TDRD6: variants seen among roughly 807,000 people sequenced by gnomAD.
TDRD6 encodes the protein tudor domain-containing protein 6.
Under a neutral mutation model 157.5 loss-of-function variants are expected in TDRD6, and 186 were observed. The ratio of observed to expected loss-of-function variants is 1.18; its 90% CI spans 1.05 to 1.33. The LOEUF (loss-of-function observed/expected upper bound fraction) is 1.33. Among genes scored for constraint, TDRD6 ranks in the 40% most tolerant of loss-of-function variants. The probability of loss-of-function intolerance (pLI) is 0.00; values close to 1 mark genes in which losing one functional copy is unlikely to be tolerated. For synonymous variants in TDRD6, 1,075 were observed against 945.2 expected (o/e 1.14, Z -2.52); for missense variants, 3,066 against 2,508.0 (o/e 1.22, Z -4.75).
Position 46,688,437 on chromosome 6 carries a change from C to T in TDRD6, c.309C>T (p.Arg103=), listed in dbSNP as rs749524830. The T allele has an allele frequency of 1.8e-5, 27 of 1,542,338 alleles. No homozygotes were observed. The Middle Eastern group carries it at 5.0e-4, about 29-fold the overall frequency. Residue 103 remains arginine, a synonymous_variant, in exon 1 of 4, where the codon CGC becomes CGT. Coordinates refer to ENST00000316081, the MANE Select transcript of TDRD6 (RefSeq NM_001010870.3). The stretch of plus-strand genomic sequence containing the variant: ...GTGTCTTCCTGCTGGACGAGGGCCG[C>T]ACCATCACGGCCGGAGCAGGCTCGC... ...ESRVFLLDEG[R]TITAGAGSLA...
intron 2 of TDRD6, among the ~76,000 whole-genome samples, chr6:46,696,515 ATATATGTGTG>A (rs1764501383): frequency 1.5e-5 from 2 of 135,532 alleles, no homozygotes; most frequent in African/African-American, 2.8e-5. Flanking sequence ...ATATATGTAT[ATATATGTGTG>A]TATATATGTG....
intron 2 of TDRD6, 130 bp from the exon 3 acceptor site, chr6:46,697,868 A>AT (rs1221350519): frequency 5.2e-5 from 22 of 426,230 alleles, no homozygotes; most frequent in Non-Finnish European, 8.0e-6. Flanking sequence ...ATCCTGGGCA[A>AT]TAGAGCAAGA....
At chr6:46,687,854 C>A, upstream of TDRD6, 1 of 416,932 alleles carries the variant, frequency 2.4e-6, no homozygotes, top group South Asian at 4.0e-5. Context: ...TCTCCGCGGC[C>A]GGAAGTGGCG....
In TDRD6 at chr6:46,702,211, G is replaced by A; in HGVS notation, c.*324G>A. The A allele has an allele frequency of 5.2e-6, 1 of 193,968 alleles. No homozygotes were observed. The highest frequency in any genetic ancestry group is 1.0e-5 in the Non-Finnish European group (1 of 96,026). The allele number at this position is 193,968 out of a possible 1,614,324, so 12.0% of individuals were successfully genotyped here. ...ACTATTTTGGTACCTTTCAAATACA[G>A]TGTTTAAATTAAAATAGAAAAATAA... On this transcript the variant is annotated 3_prime_UTR_variant, in exon 4 of 4. Coordinates refer to ENST00000316081, the MANE Select transcript of TDRD6 (RefSeq NM_001010870.3).
chr6:46,680,726 C>A, the TDRD6 span, among the ~76,000 whole-genome samples: 1 of 152,186 alleles, frequency 6.6e-6, no homozygotes, highest in Non-Finnish European at 1.5e-5. Context: ...CCTTTCACTG[C>A]ATACCTGTAC....
intron 1 of TDRD6, 88 bp downstream of exon 1, chr6:46,694,262 G>A (rs1764436045): frequency 3.0e-6 from 3 of 997,582 alleles, no homozygotes; most frequent in Non-Finnish European, 2.8e-6. Flanking sequence ...GAGTGCAGTG[G>A]TGTGATCTTG....
Position 46,689,911 on chromosome 6 carries a change from A to C in TDRD6, c.1783A>C (p.Ile595Leu). The C allele has an allele frequency of 6.2e-7, 1 of 1,614,212 alleles. No individual in the cohort carries two copies. Among genetic ancestry groups the C allele is most frequent in the East Asian group, 2.2e-5 (1 of 44,882 alleles). Residue 595 changes from isoleucine (I) to leucine (L), a missense_variant, in exon 1 of 4, where the codon ATA (isoleucine) becomes CTA (leucine). Coordinates refer to ENST00000316081, the MANE Select transcript of TDRD6 (RefSeq NM_001010870.3). ...GCTTCCTCAGTTTAGGCAGCTACCA[A>C]TATTGGCTGTGAAGTGCACCCTGGC... ...MLLPQFRQLPILAVKCTLADI... is the reference protein window; with the variant it reads ...MLLPQFRQLPLLAVKCTLADI...
Position 46,688,013 on chromosome 6 carries a change from C to T in TDRD6, c.-116C>T. 1 of 1,369,954 alleles carries T rather than the reference C, an allele frequency of 7.3e-7. No homozygotes were observed. Among genetic ancestry groups the T allele is most frequent in the Non-Finnish European group, 9.4e-7 (1 of 1,064,444 alleles). 84.9% of individuals were successfully genotyped at this position (1,369,954 alleles called of 1,614,324 possible). ...GCCTCGCCGGCATTCTTCCCCTCCA[C>T]TGGGTCCTTTGAACCTAGTTTGGCT... On this transcript the variant is annotated 5_prime_UTR_variant, in exon 1 of 4. Transcript: ENST00000316081.
In TDRD6 at chr6:46,691,280, G is replaced by A. The variant is rs943248540; in HGVS notation, c.3152G>A (p.Arg1051Lys). Residue 1051 changes from arginine to lysine, a missense_variant, in exon 1 of 4, where the codon AGG becomes AAG. By Grantham distance (26) the Arg-to-Lys change is conservative. Coordinates refer to ENST00000316081, the MANE Select transcript of TDRD6 (RefSeq NM_001010870.3). ...AAGTATACTGATGGAAACTGGTATA[G>A]GGGCATAGTAATAGAGAAAGAGCCA... ...LAKYTDGNWY[R>K]GIVIEKEPKK... The A allele has an allele frequency of 1.2e-6, 2 of 1,613,942 alleles. No individual in the cohort carries two copies. Among genetic ancestry groups the A allele is most frequent in the African/African-American group, 2.7e-5 (2 of 74,906 alleles).
In TDRD6 at chr6:46,693,443, A is replaced by C; in HGVS notation, c.5315A>C (p.Lys1772Thr). ...GTKPSNFRDPKTDNICEGFEN... is the reference protein window; with the variant it reads ...GTKPSNFRDPTTDNICEGFEN... ...AAACCAAGTAACTTCCGTGACCCTAAAACTGATAACATTTGTGAAGGGTTT... is the reference window on the plus strand; with the variant it reads ...AAACCAAGTAACTTCCGTGACCCTACAACTGATAACATTTGTGAAGGGTTT... The change falls in exon 1 of 4, where the codon AAA becomes ACA. Residue 1772 changes from lysine to threonine, a missense_variant. Transcript: ENST00000316081. The C allele has an allele frequency of 6.2e-7, 1 of 1,614,100 alleles. No homozygotes were observed. Among genetic ancestry groups the C allele is most frequent in the African/African-American group, 1.3e-5 (1 of 75,048 alleles).
In TDRD6 at chr6:46,688,280, A is replaced by C; in HGVS notation, c.152A>C (p.Gln51Pro). Residue 51 changes from glutamine (Q) to proline (P), a missense_variant, in exon 1 of 4, where the codon CAG becomes CCG. Coordinates refer to ENST00000316081, the MANE Select transcript of TDRD6 (RefSeq NM_001010870.3). ...TACCTGCGGCTGAGCCGGGAAATCC[A>C]GGAAGCGGCGGCCACGCGCGGCCAG... ...GEYLRLSREI[Q>P]EAAATRGQWA... The C allele has an allele frequency of 6.7e-7, 1 of 1,500,170 alleles. No individual in the cohort carries two copies. The highest frequency in any genetic ancestry group is 8.8e-7 in the Non-Finnish European group (1 of 1,132,914). 92.9% of individuals were successfully genotyped at this position (1,500,170 alleles called of 1,614,324 possible). A position where few individuals can be genotyped will look rare whatever the true frequency, so the allele number is the denominator to read the frequency against.
rs766526554 is a variant in TDRD6, at chr6:46,688,745, G to T, written c.617G>T (p.Arg206Leu). ...CGGCGGGTGCCCGACAGCCTCTTCCGTTCGCTGCTGGAGCGCTATCTCACA... is the reference window on the plus strand; with the variant it reads ...CGGCGGGTGCCCGACAGCCTCTTCCTTTCGCTGCTGGAGCGCTATCTCACA... Reference protein sequence around the residue: ...LARRVPDSLFRSLLERYLTAA... With the variant: ...LARRVPDSLFLSLLERYLTAA... Residue 206 changes from arginine to leucine, a missense_variant, in exon 1 of 4, where the codon CGT (arginine) becomes CTT (leucine). Arg to Leu is a moderately radical substitution (Grantham distance 102). Coordinates refer to ENST00000316081, the MANE Select transcript of TDRD6 (RefSeq NM_001010870.3). 3.1e-6 allele frequency: 5 copies of T among 1,601,490 alleles called. No individual in the cohort carries two copies. Among genetic ancestry groups the T allele is most frequent in the Non-Finnish European group, 4.2e-6 (5 of 1,179,398 alleles).
rs777961320 is a variant in TDRD6 at position 46,691,390 on chromosome 6, G to T, written c.3262G>T (p.Val1088Phe). 1 of 1,614,000 alleles carries T rather than the reference G, an allele frequency of 6.2e-7. No homozygotes were observed. Among genetic ancestry groups the T allele is most frequent in the Admixed American group, 1.7e-5 (1 of 60,022 alleles). The stretch of plus-strand genomic sequence containing the variant: ...TCCAATACCTAGTGATGCATATGAT[G>T]TCTTACTTTTGCCCATGCAAGCTGT... ...LLPIPSDAYD[V>F]LLLPMQAVRC... The change falls in exon 1 of 4, where the codon GTC becomes TTC. Residue 1088 changes from valine (V) to phenylalanine (F), a missense_variant. By Grantham distance (50) the Val-to-Phe change is conservative (BLOSUM62 -1). Transcript: ENST00000316081.
Position 46,688,257 on chromosome 6 carries a change from C to G in TDRD6, c.129C>G (p.Tyr43Ter). The G allele has an allele frequency of 6.6e-7, 1 of 1,512,106 alleles. No homozygotes were observed. The allele number at this position is 1,512,106 out of a possible 1,614,324, so 93.7% of individuals were successfully genotyped here. The change falls in exon 1 of 4, where the codon TAC becomes TAG. Residue 43 changes from tyrosine (Y) to a stop codon, truncating the protein, a stop_gained. Transcript: ENST00000316081. LOFTEE classifies it high-confidence loss of function. ...TGGTGGGCGAGCGGCGGGGCGAGTA[C>G]CTGCGGCTGAGCCGGGAAATCCAGG... The part of the protein sequence containing the change: ...WGLVGERRGE[Y>*]LRLSREIQEA...
At position 46,689,848 on chromosome 6, in the gene TDRD6, A is replaced by G; in HGVS notation, c.1720A>G (p.Asn574Asp). 1.2e-6 allele frequency: 2 copies of G among 1,614,188 alleles called. No individual in the cohort carries two copies. The highest frequency in any genetic ancestry group is 2.2e-5 in the South Asian group (2 of 91,080). The stretch of plus-strand genomic sequence containing the variant: ...GGATGTATTCTTAGTTGACCGAGGC[A>G]ATTCGGAAAATGTGGACTGGTATGA... ...SVDVFLVDRG[N>D]SENVDWYDVR... The change falls in exon 1 of 4, where the codon AAT becomes GAT. Residue 574 changes from asparagine (N) to aspartate (D), a missense_variant. Coordinates refer to ENST00000316081, the MANE Select transcript of TDRD6 (RefSeq NM_001010870.3).
At position 46,689,309 on chromosome 6, in the gene TDRD6, G is replaced by T; in HGVS notation, c.1181G>T (p.Gly394Val). 6.2e-7 allele frequency: 1 copy of T among 1,614,180 alleles called. No homozygotes were observed. The highest frequency in any genetic ancestry group is 8.5e-7 in the Non-Finnish European group (1 of 1,180,028). ...GGRGWSRSQV[G>V]DLKTLILGKA... The stretch of plus-strand genomic sequence containing the variant: ...AGAGGCTGGTCTCGGTCACAGGTCG[G>T]TGACCTGAAGACACTGATACTAGGC... The change falls in exon 1 of 4, where the codon GGT becomes GTT. Residue 394 changes from glycine to valine, a missense_variant. Transcript: ENST00000316081.
In TDRD6 at chr6:46,694,100, T is replaced by C; in HGVS notation, c.5972T>C (p.Leu1991Ser). ...EYKNRDAISA[L>S]MPLFSEEESS... ...AAAAACAGGGATGCCATTTCGGCAT[T>C]GATGCCTTTGTTCTCTGAGGAAGAA... Residue 1991 changes from leucine (L) to serine (S), a missense_variant, in exon 1 of 4, where the codon TTG becomes TCG. Coordinates refer to ENST00000316081, the MANE Select transcript of TDRD6 (RefSeq NM_001010870.3). The C allele has an allele frequency of 6.2e-7, 1 of 1,608,930 alleles. No individual in the cohort carries two copies. Among genetic ancestry groups the C allele is most frequent in the Non-Finnish European group, 8.5e-7 (1 of 1,177,560 alleles).
In TDRD6 at chr6:46,689,988, T is replaced by C. The variant is rs370131768; in HGVS notation, c.1860T>C (p.Phe620=). The part of the protein sequence containing the change: ...KTWSQEAVSF[F]KKTVLHKELV... ...GGAGCCAGGAGGCAGTTTCCTTTTT[T>C]AAAAAGACTGTGCTCCACAAAGAAT... Residue 620 remains phenylalanine (F), a synonymous_variant, in exon 1 of 4, where the codon TTT becomes TTC. Coordinates refer to ENST00000316081, the MANE Select transcript of TDRD6 (RefSeq NM_001010870.3). 2 of 1,613,272 alleles carry C rather than the reference T, an allele frequency of 1.2e-6. No individual in the cohort carries two copies. Among genetic ancestry groups the C allele is most frequent in the African/African-American group, 1.3e-5 (1 of 74,784 alleles).
rs1386738565 is a variant in TDRD6 at position 46,691,922 on chromosome 6, C to T, written c.3794C>T (p.Thr1265Ile). 6.3e-7 allele frequency: 1 copy of T among 1,598,026 alleles called. No individual in the cohort carries two copies. The highest frequency in any genetic ancestry group is 2.2e-5 in the East Asian group (1 of 44,790). ...TEKKEEISAE[T>I]PLKTARVEAT... ...AAGAAAGAAGAAATTTCTGCTGAGA[C>T]ACCCTTGAAAACAGCAAGAGTAGAA... is the stretch of plus-strand genomic sequence containing the variant. The change falls in exon 1 of 4, where the codon ACA becomes ATA. Residue 1265 changes from threonine to isoleucine, a missense_variant. By Grantham distance (89) the Thr-to-Ile change is moderately conservative (BLOSUM62 -1). Coordinates refer to ENST00000316081, the MANE Select transcript of TDRD6 (RefSeq NM_001010870.3).
Sources: allele counts gnomAD v4.1 joint callset (sites outside exome capture counted in the v4.1 genomes callset), GRCh38; gene constraint gnomAD v4.1.1; transcripts MANE v1.5; gene names NCBI Gene and HGNC (gene_info 2026-07-23, HGNC 2026-07-21).